Variants in SEC24A observed in about 807,000 individuals in gnomAD.
SEC24A encodes the protein protein transport protein Sec24A.
In SEC24A, 93 loss-of-function variants were observed where a neutral mutation model predicts 129.4. The ratio of observed to expected loss-of-function variants is 0.72; its 90% confidence interval spans 0.61 to 0.85. The LOEUF (loss-of-function observed/expected upper bound fraction) is 0.85, where lower values mean the gene tolerates loss of function less well. SEC24A is among the 40% of genes least tolerant of loss of function. The pLI is 0.00. For synonymous variants in SEC24A, 460 were observed against 467.3 expected (o/e 0.98, Z 0.20); for missense variants, 1,264 against 1,307.4 (o/e 0.97, Z 0.51).
chr5:134,692,433 T>C (rs1222587064), intron 11 of SEC24A, among the ~76,000 whole-genome samples, 169 bp from the exon 12 acceptor site: 2 of 152,132 alleles, frequency 1.3e-5, no homozygotes, highest in Admixed American at 1.3e-4. Context: ...ACCTGTATCA[T>C]TGTGGTGGTT....
At chr5:134,651,791 A>G (rs1449759777) in intron 1 of SEC24A, among the ~76,000 whole-genome samples, 4 of 151,840 alleles carry the variant, frequency 2.6e-5, no homozygotes, top group African/African-American at 4.8e-5. Flanking sequence ...CATCCTGCTA[A>G]TAATACAGAG....
intron 12 of SEC24A, chr5:134,692,976 A>G (rs1268946005): frequency 3.5e-6 from 5 of 1,410,516 alleles, no homozygotes; most frequent in Non-Finnish European, 4.8e-6. Flanking sequence ...TGGTCACTAC[A>G]TAGAAGCACA....
At chr5:134,677,315 A>G (rs1751100070) in intron 7 of SEC24A, among the ~76,000 whole-genome samples, 1 of 152,076 alleles carries the variant, frequency 6.6e-6, no homozygotes, top group African/African-American at 2.4e-5. Context: ...GTATCCAAAA[A>G]GAAAAGTTAT....
intron 2 of SEC24A, among the ~76,000 whole-genome samples, chr5:134,665,752 T>G (rs1750640099): frequency 6.6e-6 from 1 of 152,038 alleles, no homozygotes; most frequent in African/African-American, 2.4e-5. Flanking sequence ...GAGATGGGGT[T>G]TCACCATGTT....
At chr5:134,650,600 A>G (rs1750014522) in intron 1 of SEC24A, among the ~76,000 whole-genome samples, 1 of 144,576 alleles carries the variant, frequency 6.9e-6, no homozygotes, top group Non-Finnish European at 1.5e-5. Context: ...AGTGGTGGTG[A>G]TCTTGGCTCA....
intron 21 of SEC24A, among the ~76,000 whole-genome samples, chr5:134,722,599 T>TA (rs1426545989): frequency 1.3e-5 from 2 of 151,490 alleles, no homozygotes; most frequent in African/African-American, 4.9e-5. Context: ...TCTCAAAAAA[T>TA]AAAAAACAAT....
intron 15 of SEC24A, among the ~76,000 whole-genome samples, chr5:134,699,531 T>C (rs1180963485): frequency 1.3e-5 from 2 of 151,754 alleles, no homozygotes; most frequent in African/African-American, 4.8e-5. Flanking sequence ...GATCTCCTGA[T>C]CTGGTGATCC....
intron 15 of SEC24A, among the ~76,000 whole-genome samples, chr5:134,700,510 C>T (rs894062591): frequency 1.3e-5 from 2 of 151,014 alleles, no homozygotes; most frequent in Non-Finnish European, 3.0e-5. Flanking sequence ...TGAATCACCA[C>T]GCCCAGTATA....
chr5:134,679,654 C>T lies in SEC24A; in HGVS notation c.1307C>T (p.Thr436Met). ...ATTGTGAGATGCCGTTCATGCAGGA[C>T]GTACATCAATCCTTTCGTCAGCTTT... ...STIVRCRSCR[T>M]YINPFVSFLD... Residue 436 changes from threonine to methionine, a missense_variant, in exon 8 of 23, where the codon ACG (threonine) becomes ATG (methionine). Transcript: ENST00000398844. 1.3e-6 allele frequency: 2 copies of T among 1,599,976 alleles called. No individual in the cohort carries two copies. The highest frequency in any genetic ancestry group is 1.7e-6 in the Non-Finnish European group (2 of 1,169,970).
intron 15 of SEC24A, among the ~76,000 whole-genome samples, chr5:134,698,577 C>T (rs1436292820): frequency 2.0e-5 from 3 of 146,728 alleles, no homozygotes; most frequent in African/African-American, 7.6e-5. Context: ...CACTGCACTC[C>T]GGCCTGGGCA....
intron 1 of SEC24A, among the ~76,000 whole-genome samples, chr5:134,659,645 CTTTTTTT>C (rs1173408628): frequency 1.6e-5 from 2 of 122,046 alleles, no homozygotes; most frequent in Non-Finnish European, 3.5e-5. Flanking sequence ...ACCTCATATT[CTTTTTTT>C]TTTTTTTTTT....
intron 10 of SEC24A, among the ~76,000 whole-genome samples, chr5:134,687,250 C>T (rs1406490964): frequency 1.3e-5 from 2 of 152,154 alleles, no homozygotes; most frequent in African/African-American, 4.8e-5. Flanking sequence ...ATACGTACTT[C>T]AAGACTAACT....
chr5:134,693,471 A>G, intron 12 of SEC24A: 1 of 1,392,620 alleles, frequency 7.2e-7, no homozygotes, highest in Non-Finnish European at 9.3e-7. Flanking sequence ...TTTTGGATAC[A>G]TTTTGGACTT....
chr5:134,685,911 C>T (rs1025687171), intron 9 of SEC24A, among the ~76,000 whole-genome samples: 1 of 152,006 alleles, frequency 6.6e-6, no homozygotes, highest in Non-Finnish European at 1.5e-5. Context: ...ATCTCTTGAA[C>T]CCAGGAGGCA....
chr5:134,719,503 G>A (rs73297338), intron 20 of SEC24A, among the ~76,000 whole-genome samples: 20 of 152,140 alleles, frequency 1.3e-4, no homozygotes, highest in African/African-American at 4.8e-4. Context: ...AACAGCCTGG[G>A]CAATATAGCA....
rs766895089 is a variant in SEC24A, at chr5:134,671,901, A to C, written c.817+15A>C. The C allele has an allele frequency of 5.8e-6, 9 of 1,557,178 alleles. No homozygotes were observed. The African/African-American group carries it at 8.2e-5, about 14-fold the overall frequency. On this transcript the variant is annotated intron_variant, in intron 4 of 22. Transcript: ENST00000398844. The stretch of plus-strand genomic sequence containing the variant: ...TGGCTTATTGGGTGAGATGCTATGA[A>C]AGTTTTTTTTTTAATCTCTTTTTTC...
At chr5:134,652,065 G>A (rs1007474962) in intron 1 of SEC24A, among the ~76,000 whole-genome samples, 27 of 150,992 alleles carry the variant, frequency 1.8e-4, no homozygotes, top group Non-Finnish European at 4.4e-5. Flanking sequence ...GGGATTACAG[G>A]TGCATGCCAC....
At position 134,651,591 on chromosome 5, in the gene SEC24A, C is replaced by T. The variant is rs374773527; in HGVS notation, c.97+2418C>T. Among the ~76,000 whole-genome samples the T allele has an allele frequency of 8.0e-5, 12 of 150,754 alleles. 1 individual carries two copies. The highest frequency in any genetic ancestry group is 1.9e-4 in the East Asian group (1 of 5,132). The stretch of plus-strand genomic sequence containing the variant: ...GATTACAGGCATGAGCCACCACGCC[C>T]GGCCTAATGTAAAGATATATGTATA... On this transcript the variant is annotated intron_variant, in intron 1 of 22. Coordinates refer to ENST00000398844, the MANE Select transcript of SEC24A (RefSeq NM_021982.3).
rs778751944 is a variant in SEC24A, at chr5:134,723,705, A to C, written c.3167+35A>C. The stretch of plus-strand genomic sequence containing the variant: ...ATTTTCCATTTGCTAGTAGTAAAAC[A>C]ATTTGTTTGGCCTTGCCAGGACCTG... On this transcript the variant is annotated intron_variant, in intron 22 of 22. Coordinates refer to ENST00000398844, the MANE Select transcript of SEC24A (RefSeq NM_021982.3). 7 of 1,332,488 alleles carry C rather than the reference A, an allele frequency of 5.3e-6. No homozygotes were observed. In the African/African-American group the frequency reaches 1.0e-4, roughly 19 times the overall value. 82.5% of individuals were successfully genotyped at this position (1,332,488 alleles called of 1,614,324 possible).
Sources: gnomAD v4.1 joint callset for allele counts (sites outside exome capture counted in the v4.1 genomes callset) on GRCh38, gnomAD v4.1.1 for gene constraint, MANE v1.5 for transcripts, NCBI Gene and HGNC (gene_info 2026-07-23, HGNC 2026-07-21) for gene names.